DYNC1I1: variants seen among roughly 807,000 people sequenced by gnomAD.
DYNC1I1 encodes the protein cytoplasmic dynein 1 intermediate chain 1.
A neutral mutation model predicts 86.6 loss-of-function variants in DYNC1I1; 43 were observed. That is an observed-to-expected ratio of 0.50 (90% CI 0.39 to 0.64). The LOEUF (loss-of-function observed/expected upper bound fraction) is 0.64, where lower values mean the gene tolerates loss of function less well. DYNC1I1 is among the 30% of genes least tolerant of loss of function. The pLI, the probability that DYNC1I1 is intolerant of heterozygous loss-of-function variation, is 0.00. For synonymous variants in DYNC1I1, 262 were observed against 283.7 expected (o/e 0.92, Z 0.77); for missense variants, 604 against 788.8 (o/e 0.77, Z 2.81).
At chr7:96,025,849 G>T (rs984966014) in intron 10 of DYNC1I1, among the ~76,000 whole-genome samples, 1 of 150,412 alleles carries the variant, frequency 6.6e-6, no homozygotes, top group Admixed American at 6.6e-5. Context: ...GCGGGGGGGG[G>T]ATATTTGCTT....
chr7:96,030,330 T>TTGTGTGTGTGTG (rs200496803), intron 11 of DYNC1I1, among the ~76,000 whole-genome samples: 218 of 135,482 alleles, frequency 1.6e-3, no homozygotes, highest in Non-Finnish European at 2.2e-3. Context: ...AATGGTAGAG[T>TTGTGTGTGTGTG]TGTGTGTGTG....
At chr7:95,916,822 C>T (rs1791483012) in intron 6 of DYNC1I1, among the ~76,000 whole-genome samples, 1 of 152,206 alleles carries the variant, frequency 6.6e-6, no homozygotes, top group South Asian at 2.1e-4. Context: ...GATTTCAGCA[C>T]TTTCAAAAAC....
intron 4 of DYNC1I1, among the ~76,000 whole-genome samples, chr7:95,819,301 T>G (rs1287887842): frequency 6.6e-6 from 1 of 152,196 alleles, no homozygotes; most frequent in Non-Finnish European, 1.5e-5. Context: ...TACTTGTTTT[T>G]GGGCTACAAT....
At chr7:95,949,256 C>G (rs1026152796) in intron 6 of DYNC1I1, among the ~76,000 whole-genome samples, 2 of 152,228 alleles carry the variant, frequency 1.3e-5, no homozygotes, top group African/African-American at 4.8e-5. Flanking sequence ...TAAAATGTAG[C>G]TCTGGAGATC....
intron 5 of DYNC1I1, among the ~76,000 whole-genome samples, chr7:95,828,381 A>T (rs2115926845): frequency 6.6e-6 from 1 of 152,254 alleles, no homozygotes; most frequent in South Asian, 2.1e-4. Context: ...TCAAACATAA[A>T]CCCACACATC....
chr7:95,937,439 A>T (rs1164649471), intron 6 of DYNC1I1, among the ~76,000 whole-genome samples: 3 of 151,936 alleles, frequency 2.0e-5, no homozygotes, highest in Non-Finnish European at 4.4e-5. Context: ...TACCTCAAAT[A>T]TGTACAATTT....
At chr7:95,884,442 G>T (rs148833106) in intron 6 of DYNC1I1, among the ~76,000 whole-genome samples, 239 of 150,310 alleles carry the variant, frequency 1.6e-3, no homozygotes, top group African/African-American at 5.7e-3. Flanking sequence ...TTGCTGTGTT[G>T]CCCAGACTGG....
chr7:95,908,517 C>T (rs1344208043), intron 6 of DYNC1I1, among the ~76,000 whole-genome samples: 1 of 152,020 alleles, frequency 6.6e-6, no homozygotes, highest in African/African-American at 2.4e-5. Flanking sequence ...CATAATACAC[C>T]AAATGGCTAA....
At chr7:95,873,909 A>G (rs961633583) in intron 6 of DYNC1I1, among the ~76,000 whole-genome samples, 2 of 152,222 alleles carry the variant, frequency 1.3e-5, no homozygotes, top group African/African-American at 4.8e-5. Flanking sequence ...AATTCCACAG[A>G]CCTTATTCAG....
chr7:96,079,071 A>G (rs934366423), intron 15 of DYNC1I1, among the ~76,000 whole-genome samples: 1 of 152,060 alleles, frequency 6.6e-6, no homozygotes, highest in African/African-American at 2.4e-5. Context: ...CAGTGATTTA[A>G]GCGGGTGAAA....
chr7:95,893,803 A>G (rs1382523231), intron 6 of DYNC1I1, among the ~76,000 whole-genome samples: 3 of 152,340 alleles, frequency 2.0e-5, no homozygotes, highest in Non-Finnish European at 4.4e-5. Context: ...ATATAGACAG[A>G]TGTCAAACAA....
chr7:95,967,246 T>C (rs1323327842), intron 6 of DYNC1I1, among the ~76,000 whole-genome samples: 1 of 152,078 alleles, frequency 6.6e-6, no homozygotes. Flanking sequence ...AGTTCTTTGA[T>C]TGGATGAACA....
chr7:95,872,569 T>C (rs1790201311), intron 6 of DYNC1I1, among the ~76,000 whole-genome samples: 1 of 152,164 alleles, frequency 6.6e-6, no homozygotes, highest in Admixed American at 6.5e-5. Context: ...GTAATGAACA[T>C]TCTCATCATA....
intron 5 of DYNC1I1, among the ~76,000 whole-genome samples, chr7:95,833,418 T>A (rs1188934253): frequency 6.7e-6 from 1 of 149,716 alleles, no homozygotes; most frequent in Non-Finnish European, 1.5e-5. Context: ...CCTCCAGCTT[T>A]GTTCTTTTGG....
intron 9 of DYNC1I1, among the ~76,000 whole-genome samples, chr7:95,992,842 T>A (rs1793765582): frequency 6.6e-6 from 1 of 152,176 alleles, no homozygotes; most frequent in African/African-American, 2.4e-5. Flanking sequence ...CTCAAACTCC[T>A]GACCTCAAGT....
chr7:95,835,873 T>C (rs963404277), intron 5 of DYNC1I1, among the ~76,000 whole-genome samples: 5 of 152,150 alleles, frequency 3.3e-5, no homozygotes, highest in Non-Finnish European at 7.4e-5. Context: ...TGTCTCTGCA[T>C]GTGAGATGGG....
At chr7:95,822,212 G>A (rs1367696657) in intron 4 of DYNC1I1, among the ~76,000 whole-genome samples, 1 of 152,040 alleles carries the variant, frequency 6.6e-6, no homozygotes, top group East Asian at 1.9e-4. Flanking sequence ...CTGAAACTGA[G>A]CAAATAAAAT....
At chr7:95,939,519 T>C (rs1259834803) in intron 6 of DYNC1I1, among the ~76,000 whole-genome samples, 2 of 151,862 alleles carry the variant, frequency 1.3e-5, no homozygotes, top group Non-Finnish European at 2.9e-5. Context: ...AATTAGCTCT[T>C]CTTGTTGAAT....
intron 6 of DYNC1I1, among the ~76,000 whole-genome samples, chr7:95,965,348 T>G (rs917949282): frequency 1.3e-5 from 2 of 152,172 alleles, no homozygotes; most frequent in African/African-American, 4.8e-5. Context: ...CTGGCACCAG[T>G]GTGGACACAG....
Sources: gnomAD v4.1 joint callset for allele counts (sites outside exome capture counted in the v4.1 genomes callset) on GRCh38, gnomAD v4.1.1 for gene constraint, MANE v1.5 for transcripts, NCBI Gene and HGNC (gene_info 2026-07-23, HGNC 2026-07-21) for gene names.